Variants in CDHR2 observed in about 807,000 individuals in gnomAD.
CDHR2 encodes the protein cadherin-related family member 2.
A neutral mutation model predicts 138.6 loss-of-function variants in CDHR2; 104 were observed. That is an observed-to-expected ratio of 0.75 (90% CI 0.64 to 0.88). CDHR2 has a LOEUF of 0.88. Ranked by LOEUF, CDHR2 falls within the 40% of genes least tolerant of loss-of-function variation. The pLI is 0.00. For missense variants in CDHR2, 1,624 were observed against 1,727.6 expected (o/e 0.94, Z 1.06); for synonymous variants, 755 against 742.8 (o/e 1.02, Z -0.27).
At chr5:176,557,548 T>G (rs1038480468) in intron 1 of CDHR2, among the ~76,000 whole-genome samples, 1 of 144,860 alleles carries the variant, frequency 6.9e-6, no homozygotes, top group Non-Finnish European at 1.5e-5. Context: ...CTTTTTATTA[T>G]CACCTTCTTA....
intron 3 of CDHR2, chr5:176,567,232 G>A (rs997997796): frequency 1.0e-5 from 3 of 286,076 alleles, no homozygotes; most frequent in Non-Finnish European, 2.1e-5. Flanking sequence ...GTAGTGGTGC[G>A]ATCATGCTCA....
rs1217169209 is a variant in CDHR2, at chr5:176,578,525, A to G, written c.1735A>G (p.Ile579Val). Reference sequence around the variant, plus strand: ...CACACTGCAGATCCACCTGCTGGACATCAACGACAATGCACCCGTGGTTAG... The same window carrying G: ...CACACTGCAGATCCACCTGCTGGACGTCAACGACAATGCACCCGTGGTTAG... ...STTLQIHLLD[I>V]NDNAPVVSGS... is the part of the protein sequence containing the mutation. Residue 579 changes from isoleucine to valine, a missense_variant, in exon 16 of 32, where the codon ATC becomes GTC. This residue lies in a region of CDHR2 where 1,061 missense variants were observed against 1,136.6 expected (regional missense o/e 0.93). Transcript: ENST00000261944. 1.2e-6 allele frequency: 2 copies of G among 1,614,066 alleles called. No individual in the cohort carries two copies. Among genetic ancestry groups the G allele is most frequent in the Admixed American group, 3.3e-5 (2 of 60,002 alleles).
intron 1 of CDHR2, among the ~76,000 whole-genome samples, chr5:176,552,570 G>A (rs552176843): frequency 2.0e-4 from 30 of 152,350 alleles, no homozygotes; most frequent in Middle Eastern, 3.4e-3. Context: ...CTATCATGGG[G>A]AAGGCTTAGC....
Position 176,589,398 on chromosome 5 carries a change from C to G in CDHR2, c.3077C>G (p.Pro1026Arg). ...YQVTVQARDRPSLGPFLEATT... is the reference protein window; with the variant it reads ...YQVTVQARDRRSLGPFLEATT... ...GTGACAGTCCAGGCCAGGGACAGAC[C>G]TTCCTTGGGTCCTTTCCTGGAAGCC... is the stretch of plus-strand genomic sequence containing the variant. Residue 1026 changes from proline to arginine, a missense_variant, in exon 23 of 32, where the codon CCT (proline) becomes CGT (arginine). Pro to Arg is a moderately radical substitution (Grantham distance 103). Coordinates refer to ENST00000261944, the MANE Select transcript of CDHR2 (RefSeq NM_017675.6). 6.3e-7 allele frequency: 1 copy of G among 1,575,328 alleles called. No individual in the cohort carries two copies. The highest frequency in any genetic ancestry group is 8.6e-7 in the Non-Finnish European group (1 of 1,158,760).
Position 176,589,414 on chromosome 5 carries a change from C to T in CDHR2, c.3093C>T (p.Phe1031=), listed in dbSNP as rs781475205. 1.9e-6 allele frequency: 3 copies of T among 1,586,946 alleles called. No homozygotes were observed. The highest frequency in any genetic ancestry group is 1.3e-5 in the African/African-American group (1 of 74,600). Reference sequence around the variant, plus strand: ...GGGACAGACCTTCCTTGGGTCCTTTCCTGGAAGCCACCACCACCCTGAATG... The same window carrying T: ...GGGACAGACCTTCCTTGGGTCCTTTTCTGGAAGCCACCACCACCCTGAATG... ...QARDRPSLGP[F]LEATTTLNLF... The change falls in exon 23 of 32, where the codon TTC becomes TTT. Residue 1031 remains phenylalanine (F), a synonymous_variant. Transcript: ENST00000261944.
At chr5:176,592,582 TGTG>T (rs1758913836) in intron 30 of CDHR2, 138 bp from the exon 31 acceptor site, 4 of 687,116 alleles carry the variant, frequency 5.8e-6, no homozygotes, top group East Asian at 2.7e-5. Context: ...TGATGGTAGT[TGTG>T]ATGATGGTGG....
At position 176,590,637 on chromosome 5, in the gene CDHR2, GC is replaced by G. The variant is rs1758822166; in HGVS notation, c.3490del (p.Leu1164CysfsTer5). ...SVIIGLGVAL[L>X]LVLVIMTMAF... ...TCATCATAGGATTGGGAGTGGCTTT[GC>G]TGCTGGTCCTTGTGATCATGACCAT... is the stretch of plus-strand genomic sequence containing the variant. On this transcript the variant is annotated frameshift_variant, in exon 28 of 32. Coordinates refer to ENST00000261944, the MANE Select transcript of CDHR2 (RefSeq NM_017675.6). LOFTEE classifies it high-confidence loss of function. The G allele has an allele frequency of 6.2e-7, 1 of 1,613,962 alleles. No individual in the cohort carries two copies. Among genetic ancestry groups the G allele is most frequent in the East Asian group, 2.2e-5 (1 of 44,884 alleles).
Position 176,591,339 on chromosome 5 carries a change from AG to A in CDHR2, c.3653+19del. The A allele has an allele frequency of 6.2e-7, 1 of 1,611,786 alleles. No individual in the cohort carries two copies. The highest frequency in any genetic ancestry group is 8.5e-7 in the Non-Finnish European group (1 of 1,177,846). The stretch of plus-strand genomic sequence containing the variant: ...ACACTGAGCGGTGAGCAGGGGTCAA[AG>A]GGTAGGTAAGAGGCCTGGTGGGGTG... On this transcript the variant is annotated intron_variant, in intron 29 of 31. Transcript: ENST00000261944.
In CDHR2 at chr5:176,592,818, C is replaced by T. The variant is rs1267923769; in HGVS notation, c.3792+38C>T. 3.2e-6 allele frequency: 5 copies of T among 1,585,974 alleles called. No individual in the cohort carries two copies. The South Asian group carries it at 5.5e-5, about 18-fold the overall frequency. On this transcript the variant is annotated intron_variant, in intron 31 of 31. Coordinates refer to ENST00000261944, the MANE Select transcript of CDHR2 (RefSeq NM_017675.6). ...ATGAATTGGTGCCTGGAGGTTCCAA[C>T]TTGGGTTCTTCTGTGGAGGCTTCAG...
rs1440532304 is a variant in CDHR2, at chr5:176,575,806, G to A, written c.927G>A (p.Leu309=). The A allele has an allele frequency of 8.4e-6, 13 of 1,554,600 alleles. No homozygotes were observed. Among genetic ancestry groups the A allele is most frequent in the Non-Finnish European group, 1.1e-5 (13 of 1,148,646 alleles). ...GCTCCCTGGACCGTGAGCAGCTGCT[G>A]GAGGCGGATGAGGAGGTGCAGCTGC... is the stretch of plus-strand genomic sequence containing the variant. ...VNGSLDREQL[L]EADEEVQLQV... is the part of the protein sequence containing the mutation. The change falls in exon 11 of 32, where the codon CTG becomes CTA. Residue 309 remains leucine, a synonymous_variant. Transcript: ENST00000261944.
At chr5:176,571,135 C>G (rs1305122683) in intron 5 of CDHR2, 78 bp from the exon 6 acceptor site, 3 of 877,000 alleles carry the variant, frequency 3.4e-6, no homozygotes, top group Non-Finnish European at 5.6e-6. Flanking sequence ...AGGACACCAG[C>G]TCTTTGTACG....
chr5:176,580,404 CTG>C (rs1189830111), intron 16 of CDHR2, among the ~76,000 whole-genome samples: 1 of 150,482 alleles, frequency 6.6e-6, no homozygotes, highest in Non-Finnish European at 1.5e-5. Flanking sequence ...TGGTGCATGC[CTG>C]TAATCCCAGC....
rs115068160 is a variant in CDHR2 at position 176,584,699 on chromosome 5, C to G, written c.2418C>G (p.Pro806=). ...TGAAAGACGTGAACGACAATCCCCC[C>G]ACCCTGGATGTAGCCTCACTCCGGG... is the stretch of plus-strand genomic sequence containing the variant. ...VNVKDVNDNP[P]TLDVASLRGI... The change falls in exon 19 of 32, where the codon CCC becomes CCG. Residue 806 remains proline (P), a synonymous_variant. Transcript: ENST00000261944. The G allele has an allele frequency of 2.5e-6, 4 of 1,614,050 alleles. No homozygotes were observed. The highest frequency in any genetic ancestry group is 1.7e-5 in the Admixed American group (1 of 60,002).
chr5:176,589,943 T>C (rs1758802040), intron 24 of CDHR2, 135 bp from the exon 25 acceptor site: 1 of 747,154 alleles, frequency 1.3e-6, no homozygotes, highest in Non-Finnish European at 2.4e-6. Flanking sequence ...ACAGAGATGC[T>C]ACCTACTCAG....
chr5:176,578,383 G>A lies in CDHR2; in HGVS notation c.1593G>A (p.Val531=). 3 of 1,613,348 alleles carry A rather than the reference G, an allele frequency of 1.9e-6. No homozygotes were observed. Among genetic ancestry groups the A allele is most frequent in the Non-Finnish European group, 2.5e-6 (3 of 1,179,772 alleles). The change falls in exon 16 of 32, where the codon GTG becomes GTA. Residue 531 remains valine (V), a synonymous_variant. Coordinates refer to ENST00000261944, the MANE Select transcript of CDHR2 (RefSeq NM_017675.6). ...TGAGCAGGGCAGACCTCTTCCAAGT[G>A]GATCCCGTCTCAGGGACGGTGACGG... ...LPGNGADLFQ[V]DPVSGTVTVR...
At chr5:176,564,798 T>C (rs1323202112) in intron 1 of CDHR2, among the ~76,000 whole-genome samples, 1 of 151,554 alleles carries the variant, frequency 6.6e-6, no homozygotes, top group Non-Finnish European at 1.5e-5. Context: ...TATCAGCAGG[T>C]GAACGAAGGA....
upstream of CDHR2, among the ~76,000 whole-genome samples, chr5:176,548,252 T>G (rs1757627504): frequency 6.6e-6 from 1 of 152,226 alleles, no homozygotes; most frequent in Non-Finnish European, 1.5e-5. Flanking sequence ...TGACTATATA[T>G]CTATTGTGAA....
intron 3 of CDHR2, among the ~76,000 whole-genome samples, chr5:176,566,110 A>G (rs1287219492): frequency 6.6e-6 from 1 of 150,900 alleles, no homozygotes; most frequent in Non-Finnish European, 1.5e-5. Flanking sequence ...TTTTTTTTTA[A>G]AGGGAGAGCA....
chr5:176,573,987 G>A, intron 6 of CDHR2, 96 bp from the exon 7 acceptor site: 1 of 944,382 alleles, frequency 1.1e-6, no homozygotes, highest in Non-Finnish European at 1.7e-6. Context: ...CCCCATGAGT[G>A]CACAGCTGAG....
Sources: gnomAD v4.1 joint callset for allele counts (sites outside exome capture counted in the v4.1 genomes callset) on GRCh38, gnomAD v4.1.1 for gene constraint, gnomAD v4.1.1 regional missense constraint, MANE v1.5 for transcripts, NCBI Gene and HGNC (gene_info 2026-07-23, HGNC 2026-07-21) for gene names.